The following ADD2 variants were observed in gnomAD, a reference collection of about 807,000 sequenced individuals.
ADD2 encodes the protein adducin 2.
In ADD2, 23 loss-of-function variants were observed where a neutral mutation model predicts 83.0. The observed-to-expected ratio is 0.28, with a 90% CI of 0.20 to 0.39. ADD2 has a LOEUF of 0.39. Ranked by LOEUF, ADD2 falls within the 10% of genes least tolerant of loss-of-function variation. The pLI is 1.00. For synonymous variants in ADD2, 375 were observed against 375.4 expected (o/e 1.00, Z 0.01); for missense variants, 758 against 944.9 (o/e 0.80, Z 2.59).
At chr2:70,681,628 C>T (rs1223660687) in intron 10 of ADD2, among the ~76,000 whole-genome samples, 3 of 151,916 alleles carry the variant, frequency 2.0e-5, no homozygotes, top group Non-Finnish European at 2.9e-5. Flanking sequence ...AGGAAGAACC[C>T]GTCAGGTAGT....
At chr2:70,669,018 G>A (rs1669791847) in intron 15 of ADD2, among the ~76,000 whole-genome samples, 1 of 152,138 alleles carries the variant, frequency 6.6e-6, no homozygotes. Context: ...GCATAGAGAG[G>A]TCATAGAGAG....
chr2:70,671,267 A>G (rs1293216282), intron 15 of ADD2, among the ~76,000 whole-genome samples: 1 of 151,944 alleles, frequency 6.6e-6, no homozygotes, highest in Non-Finnish European at 1.5e-5. Flanking sequence ...AGTGCCCGAG[A>G]GTTGGCCCTA....
chr2:70,700,804 C>T (rs1671549181), intron 4 of ADD2, among the ~76,000 whole-genome samples: 1 of 151,960 alleles, frequency 6.6e-6, no homozygotes, highest in African/African-American at 2.4e-5. Context: ...TTGTAAATGA[C>T]TCATAATTTT....
At chr2:70,741,590 G>A (rs544846849) in intron 1 of ADD2, among the ~76,000 whole-genome samples, 13 of 152,134 alleles carry the variant, frequency 8.5e-5, no homozygotes, top group Admixed American at 1.3e-4. Flanking sequence ...ATTCCCATAC[G>A]TATTTTTCTA....
chr2:70,757,686 TCA>T (rs1412175116), intron 1 of ADD2, among the ~76,000 whole-genome samples: 5 of 152,200 alleles, frequency 3.3e-5, no homozygotes, highest in African/African-American at 1.2e-4. Flanking sequence ...AAACCCGCCC[TCA>T]CTTTTCCTGT....
chr2:70,704,440 T>G lies in ADD2; in HGVS notation c.203A>C (p.Glu68Ala). Residue 68 changes from glutamate to alanine, a missense_variant, in exon 4 of 16, where the codon GAA becomes GCA. Physicochemically the swap from Glu to Ala is moderately radical, Grantham distance 107. This residue lies in a region of ADD2 where 175 missense variants were observed against 192.1 expected (regional missense o/e 0.91). Transcript: ENST00000264436. ...LQSPSFREEL[E>A]GLIQEQMKKG... Reference sequence around the variant, plus strand: ...CTTCATCTGCTCCTGGATGAGGCCTTCCAGCTCCTCCCTGAAAGACTGAAG... The same window carrying G: ...CTTCATCTGCTCCTGGATGAGGCCTGCCAGCTCCTCCCTGAAAGACTGAAG... 6.2e-7 allele frequency: 1 copy of G among 1,614,152 alleles called. No individual in the cohort carries two copies. Among genetic ancestry groups the G allele is most frequent in the Non-Finnish European group, 8.5e-7 (1 of 1,180,022 alleles).
chr2:70,721,076 T>C (rs1444082569), intron 1 of ADD2, among the ~76,000 whole-genome samples: 2 of 152,216 alleles, frequency 1.3e-5, no homozygotes, highest in African/African-American at 4.8e-5. Flanking sequence ...GAAAAACATA[T>C]TCCCACCCTT....
chr2:70,692,058 A>C (rs1671068621), intron 7 of ADD2, among the ~76,000 whole-genome samples: 1 of 152,208 alleles, frequency 6.6e-6, no homozygotes. Context: ...GGTTCCCACT[A>C]ACTGGTTGTC....
At chr2:70,734,889 G>C (rs1673451400) in intron 1 of ADD2, among the ~76,000 whole-genome samples, 1 of 152,124 alleles carries the variant, frequency 6.6e-6, no homozygotes, top group Admixed American at 6.6e-5. Flanking sequence ...ATCAAGTTCT[G>C]GCCCATCTTT....
chr2:70,706,490 G>A lies in ADD2; in HGVS notation c.-34-48C>T, dbSNP rs1671912542. ...TGCGGTCAGGTTGGTGCTCCCCATCGGGGTACACGTTTCTCAGAGCACAGG... is the reference window on the plus strand; with the variant it reads ...TGCGGTCAGGTTGGTGCTCCCCATCAGGGTACACGTTTCTCAGAGCACAGG... On this transcript the variant is annotated intron_variant, in intron 2 of 15. Transcript: ENST00000264436. This position sits in a 1 kb window ranked among gnomAD's most constrained non-coding sequence, Gnocchi z 5.0. 7.4e-6 allele frequency: 11 copies of A among 1,488,662 alleles called. No homozygotes were observed. The highest frequency in any genetic ancestry group is 9.9e-6 in the Non-Finnish European group (11 of 1,109,484). The allele number at this position is 1,488,662 out of a possible 1,614,324, so 92.2% of individuals were successfully genotyped here. A position where few individuals can be genotyped will look rare whatever the true frequency, so the allele number is the denominator to read the frequency against.
At chr2:70,753,719 C>T (rs968607207) in intron 1 of ADD2, among the ~76,000 whole-genome samples, 1 of 152,064 alleles carries the variant, frequency 6.6e-6, no homozygotes, top group Non-Finnish European at 1.5e-5. Flanking sequence ...GGAGTGAATT[C>T]GTCATTCTGG....
At chr2:70,767,794 C>T in intron 1 of ADD2, 92 bp downstream of exon 1, 2 of 1,502,756 alleles carry the variant, frequency 1.3e-6, no homozygotes, top group South Asian at 1.3e-5. Context: ...CTGGGCCAAG[C>T]GGCTCCCGCC....
In ADD2 at chr2:70,676,265, T is replaced by TTTC; in HGVS notation, c.1593+528_1593+530dup. 2 of 991,330 alleles carry TTTC rather than the reference T, an allele frequency of 2.0e-6. No homozygotes were observed. Among genetic ancestry groups the TTTC allele is most frequent in the Non-Finnish European group, 2.4e-6 (2 of 834,142 alleles). The allele number at this position is 991,330 out of a possible 1,614,324, so 61.4% of individuals were successfully genotyped here. A position where few individuals can be genotyped will look rare whatever the true frequency, so the allele number is the denominator to read the frequency against. ...TCAAGCACAAAAACAATTACAATAC[T>TTTC]TTCTAACTCAATGTGGGTTTGTGTG... is the stretch of plus-strand genomic sequence containing the variant. On this transcript the variant is annotated intron_variant, in intron 13 of 15. Transcript: ENST00000264436. This position sits in a 1 kb window ranked among gnomAD's most constrained non-coding sequence, Gnocchi z 4.8.
intron 1 of ADD2, among the ~76,000 whole-genome samples, chr2:70,741,997 A>G (rs1673943326): frequency 6.6e-6 from 1 of 152,228 alleles, no homozygotes; most frequent in Admixed American, 6.5e-5. Context: ...GAAGTTTTCA[A>G]ACTGTGTTCC....
chr2:70,743,707 G>T (rs913599855), intron 1 of ADD2, among the ~76,000 whole-genome samples: 1 of 152,182 alleles, frequency 6.6e-6, no homozygotes, highest in Non-Finnish European at 1.5e-5. Context: ...AAGTCATCAA[G>T]TCTTGTAAGG....
intron 7 of ADD2, 112 bp from the exon 8 acceptor site, chr2:70,691,041 AG>A: frequency 3.7e-6 from 5 of 1,348,008 alleles, no homozygotes; most frequent in Non-Finnish European, 4.9e-6. Context: ...GTGAGGAGTG[AG>A]GGGTGAGGTT....
intron 7 of ADD2, among the ~76,000 whole-genome samples, chr2:70,691,343 G>C (rs1553371628): frequency 6.6e-6 from 1 of 152,226 alleles, no homozygotes. Context: ...GGGTAGGCTG[G>C]AGACCCTCAG....
chr2:70,741,934 C>T (rs570247103), intron 1 of ADD2, among the ~76,000 whole-genome samples: 1 of 152,186 alleles, frequency 6.6e-6, no homozygotes, highest in African/African-American at 2.4e-5. Context: ...ATCCATTAAC[C>T]AATTTTGACA....
At chr2:70,696,965 C>A (rs1200570758) in intron 4 of ADD2, among the ~76,000 whole-genome samples, 3 of 152,110 alleles carry the variant, frequency 2.0e-5, no homozygotes, top group African/African-American at 7.2e-5. Flanking sequence ...TCAAGACCAT[C>A]CTGGCCAACA....
Sources: gnomAD v4.1 joint callset for allele counts (sites outside exome capture counted in the v4.1 genomes callset) on GRCh38, gnomAD v4.1.1 for gene constraint, gnomAD v4.1.1 regional missense constraint, Gnocchi (gnomAD v3.1) non-coding constraint, MANE v1.5 for transcripts, NCBI Gene and HGNC (gene_info 2026-07-23, HGNC 2026-07-21) for gene names.